WWOX: variants seen among roughly 807,000 people sequenced by gnomAD.
WWOX encodes the protein WW domain-containing oxidoreductase.
In WWOX, 69 loss-of-function variants were observed where a neutral mutation model predicts 46.2. The ratio of observed to expected loss-of-function variants is 1.49; its 90% CI spans 1.23 to 1.82. The LOEUF (loss-of-function observed/expected upper bound fraction) is 1.82. WWOX is among the 40% of genes most tolerant of loss of function. The probability of loss-of-function intolerance (pLI) is 0.00; values close to 1 mark genes in which losing one functional copy is unlikely to be tolerated. For synonymous variants in WWOX, 359 were observed against 202.6 expected (o/e 1.77, Z -6.56); for missense variants, 919 against 542.6 (o/e 1.69, Z -6.89).
chr16:78,990,409 G>A (rs1458490436), intron 8 of WWOX, among the ~76,000 whole-genome samples: 1 of 152,112 alleles, frequency 6.6e-6, no homozygotes, highest in African/African-American at 2.4e-5. Context: ...CCTAGTTCTG[G>A]GCTAGGGAAT....
chr16:78,810,201 A>G (rs2051149860), intron 8 of WWOX, among the ~76,000 whole-genome samples: 1 of 152,194 alleles, frequency 6.6e-6, no homozygotes, highest in Non-Finnish European at 1.5e-5. Flanking sequence ...ATACATTTTC[A>G]AAACTACACT....
intron 8 of WWOX, among the ~76,000 whole-genome samples, chr16:79,041,360 C>G (rs1297775766): frequency 2.0e-5 from 3 of 152,120 alleles, no homozygotes; most frequent in African/African-American, 7.2e-5. Context: ...GGAAGCCTTC[C>G]TTGCTGGAAT....
intron 8 of WWOX, among the ~76,000 whole-genome samples, chr16:78,684,528 TG>T (rs2047810621): frequency 6.6e-6 from 1 of 152,186 alleles, no homozygotes; most frequent in East Asian, 1.9e-4. Flanking sequence ...GGGACCTGGA[TG>T]TGATGCAAGC....
intron 8 of WWOX, among the ~76,000 whole-genome samples, chr16:78,581,317 C>G (rs1185890251): frequency 6.6e-6 from 1 of 152,116 alleles, no homozygotes; most frequent in African/African-American, 2.4e-5. Context: ...TTTTCTATAG[C>G]TGAGAAAATG....
At chr16:78,556,263 A>T (rs973190204) in intron 8 of WWOX, among the ~76,000 whole-genome samples, 15 of 126,514 alleles carry the variant, frequency 1.2e-4, no homozygotes, top group Admixed American at 1.1e-3. Context: ...TCCTCCTCTA[A>T]AAAAAAAAAA....
intron 8 of WWOX, among the ~76,000 whole-genome samples, chr16:79,208,821 G>C (rs534416066): frequency 6.6e-6 from 1 of 152,174 alleles, no homozygotes; most frequent in Admixed American, 6.5e-5. Flanking sequence ...TCACTCAGAG[G>C]TTGCCATTGG....
At chr16:78,821,813 C>G (rs1041665080) in intron 8 of WWOX, among the ~76,000 whole-genome samples, 6 of 152,170 alleles carry the variant, frequency 3.9e-5, no homozygotes, top group Non-Finnish European at 8.8e-5. Context: ...CAAATACCAT[C>G]GTAGATTCAG....
intron 8 of WWOX, among the ~76,000 whole-genome samples, chr16:78,639,460 T>A (rs1435395015): frequency 6.6e-6 from 1 of 152,180 alleles, no homozygotes; most frequent in Non-Finnish European, 1.5e-5. Flanking sequence ...TTTGAGATCC[T>A]GTAGTGGGTT....
At position 78,980,902 on chromosome 16, in the gene WWOX, G is replaced by T. The variant is rs1169772100; in HGVS notation, c.1057-230706G>T. ...TCAGTGGGTAAATGTAGAGGTGATG[G>T]TATCTCCGTTTTTATTGTCTTCAGA... On this transcript the variant is annotated intron_variant, in intron 8 of 8. Transcript: ENST00000566780. 5.3e-5 allele frequency among the ~76,000 whole-genome samples: 8 copies of T among 152,186 alleles called. 1 individual carries two copies. The highest frequency in any genetic ancestry group is 1.0e-4 in the Non-Finnish European group (7 of 68,034).
At chr16:79,092,420 C>G (rs762085620) in intron 8 of WWOX, among the ~76,000 whole-genome samples, 7 of 152,116 alleles carry the variant, frequency 4.6e-5, no homozygotes, top group African/African-American at 9.7e-5. Context: ...CTTAGTTGTT[C>G]CAACATGATT....
chr16:78,355,545 A>G lies in WWOX; in HGVS notation c.517-31315A>G, dbSNP rs559472345. The G allele has an allele frequency of 2.4e-5, 10 of 421,538 alleles. No homozygotes were observed. The East Asian group carries it at 5.1e-4, about 21-fold the overall frequency. 26.1% of individuals were successfully genotyped at this position (421,538 alleles called of 1,614,324 possible). A position where few individuals can be genotyped will look rare whatever the true frequency, so the allele number is the denominator to read the frequency against. On this transcript the variant is annotated intron_variant, in intron 5 of 8. Transcript: ENST00000566780. Reference sequence around the variant, plus strand: ...TGATGAAACATGGCAGACAACGTAGACCAGCAGCAAACTACCAACACTGTG... The same window carrying G: ...TGATGAAACATGGCAGACAACGTAGGCCAGCAGCAAACTACCAACACTGTG...
At chr16:78,967,583 G>T (rs1201502395) in intron 8 of WWOX, among the ~76,000 whole-genome samples, 1 of 151,230 alleles carries the variant, frequency 6.6e-6, no homozygotes, top group East Asian at 2.0e-4. Flanking sequence ...GGGATTACAG[G>T]TGTGAGCCAC....
Position 78,347,533 on chromosome 16 carries a change from G to C in WWOX, c.517-39327G>C, listed in dbSNP as rs1229959360. 1.7e-5 allele frequency among the ~76,000 whole-genome samples: 2 copies of C among 118,034 alleles called. 1 individual carries two copies. The highest frequency in any genetic ancestry group is 4.0e-5 in the Non-Finnish European group (2 of 49,828). 77.4% of individuals were successfully genotyped at this position (118,034 alleles called of 152,430 possible). On this transcript the variant is annotated intron_variant, in intron 5 of 8. Coordinates refer to ENST00000566780, the MANE Select transcript of WWOX (RefSeq NM_016373.4). ...ACCCACACCTCTTGCATGTTCCTGA[G>C]CTTCTTAGGCGTGTTGCATCTTCCT...
intron 5 of WWOX, among the ~76,000 whole-genome samples, chr16:78,384,017 C>A (rs182606753): frequency 2.6e-5 from 4 of 152,316 alleles, no homozygotes; most frequent in East Asian, 3.9e-4. Context: ...AAGTTACTTA[C>A]AGAGAAGACT....
intron 8 of WWOX, among the ~76,000 whole-genome samples, chr16:78,678,655 G>T (rs932860064): frequency 6.6e-6 from 1 of 152,298 alleles, no homozygotes; most frequent in East Asian, 1.9e-4. Flanking sequence ...GTCTTGGAGG[G>T]TAGGGAAGTC....
chr16:78,471,801 G>C (rs976174215), intron 8 of WWOX, among the ~76,000 whole-genome samples: 1 of 152,164 alleles, frequency 6.6e-6, no homozygotes, highest in South Asian at 2.1e-4. Flanking sequence ...TCCATGCCAA[G>C]GAGTGGTGTC....
chr16:78,588,558 C>T (rs1231910801), intron 8 of WWOX, among the ~76,000 whole-genome samples: 3 of 152,172 alleles, frequency 2.0e-5, no homozygotes, highest in Non-Finnish European at 4.4e-5. Context: ...ACAGAGCTTG[C>T]AGAAGCTGCC....
At chr16:78,770,667 C>T (rs372971125) in intron 8 of WWOX, among the ~76,000 whole-genome samples, 4 of 151,706 alleles carry the variant, frequency 2.6e-5, no homozygotes, top group East Asian at 3.9e-4. Flanking sequence ...CCCCTCCCCC[C>T]CTCCCCGAAG....
chr16:79,181,395 T>G (rs529527340), intron 8 of WWOX, among the ~76,000 whole-genome samples: 2 of 152,218 alleles, frequency 1.3e-5, no homozygotes, highest in Non-Finnish European at 2.9e-5. Flanking sequence ...TTAGCCCTTA[T>G]GAATACTACA....
Sources: allele counts gnomAD v4.1 joint callset (sites outside exome capture counted in the v4.1 genomes callset), GRCh38; gene constraint gnomAD v4.1.1; transcripts MANE v1.5; gene names NCBI Gene and HGNC (gene_info 2026-07-23, HGNC 2026-07-21).